The following CRYBG1 variants were observed in gnomAD, a reference collection of about 807,000 sequenced individuals.
CRYBG1 encodes the protein beta/gamma crystallin domain-containing protein 1.
Under a neutral mutation model 189.2 loss-of-function variants are expected in CRYBG1, and 139 were observed. The ratio of observed to expected loss-of-function variants is 0.73; its 90% CI spans 0.64 to 0.85. The LOEUF is 0.85. Among genes scored for constraint, CRYBG1 ranks in the 40% least tolerant of loss-of-function variants. The pLI is 0.00. For missense variants in CRYBG1, 2,611 were observed against 2,675.8 expected (o/e 0.98, Z 0.53); for synonymous variants, 1,023 against 1,017.1 (o/e 1.01, Z -0.11).
intron 8 of CRYBG1, among the ~76,000 whole-genome samples, chr6:106,531,465 A>AT (rs1292595499): frequency 6.6e-6 from 1 of 152,176 alleles, no homozygotes; most frequent in African/African-American, 2.4e-5. Context: ...AGAGAGATGG[A>AT]TTTTGACTTG....
At chr6:106,388,143 G>A (rs568021229) in intron 1 of CRYBG1, among the ~76,000 whole-genome samples, 1 of 152,136 alleles carries the variant, frequency 6.6e-6, no homozygotes. Context: ...CTTGTGCTAC[G>A]AATCCTTTTC....
intron 2 of CRYBG1, among the ~76,000 whole-genome samples, chr6:106,472,914 A>C (rs114700034): frequency 0.012 from 1,753 of 151,694 alleles, 44 homozygotes; most frequent in African/African-American, 0.04. Context: ...AAAATTAAAA[A>C]AAAAAAAAAA....
Position 106,555,871 on chromosome 6 carries a change from T to G in CRYBG1, c.5689T>G (p.Phe1897Val). The G allele has an allele frequency of 6.2e-7, 1 of 1,614,184 alleles. No homozygotes were observed. The highest frequency in any genetic ancestry group is 8.5e-7 in the Non-Finnish European group (1 of 1,180,026). The change falls in exon 17 of 22, where the codon TTC (phenylalanine) becomes GTC (valine). Residue 1897 changes from phenylalanine (F) to valine (V), a missense_variant. By Grantham distance (50) the Phe-to-Val change is conservative. Around this residue, in one of 3 missense-constraint regions of CRYBG1, gnomAD observed 1,622 missense variants for 1,735.0 expected, o/e 0.93. Coordinates refer to ENST00000633556, the MANE Select transcript of CRYBG1 (RefSeq NM_001371242.2). ...AATGGGATGCCCGCCTGGAGCAACT[T>G]TCAAGTCTCTTCGTTTTATAGATGT... is the stretch of plus-strand genomic sequence containing the variant. ...SAMGCPPGAT[F>V]KSLRFIDVEF...
At chr6:106,502,384 C>T (rs1773029843) in intron 2 of CRYBG1, among the ~76,000 whole-genome samples, 1 of 152,182 alleles carries the variant, frequency 6.6e-6, no homozygotes, top group African/African-American at 2.4e-5. Context: ...GAACACATTT[C>T]CATTTTCCAG....
intron 2 of CRYBG1, among the ~76,000 whole-genome samples, chr6:106,469,716 TG>T (rs1191735505): frequency 1.2e-4 from 19 of 152,214 alleles, no homozygotes; most frequent in African/African-American, 4.1e-4. Context: ...AAACCTGTTT[TG>T]TTCCCTTGTG....
chr6:106,483,114 C>G (rs1772505671), intron 2 of CRYBG1, among the ~76,000 whole-genome samples: 1 of 152,000 alleles, frequency 6.6e-6, no homozygotes, highest in Non-Finnish European at 1.5e-5. Context: ...CACTTTGTAC[C>G]TGTTGACCAG....
chr6:106,566,419 G>C (rs1045079559), intron 21 of CRYBG1, among the ~76,000 whole-genome samples: 1 of 144,160 alleles, frequency 6.9e-6, no homozygotes, highest in African/African-American at 2.6e-5. Flanking sequence ...ATAATGTCCC[G>C]TATATTTGTG....
At chr6:106,451,184 C>T (rs563312040) in intron 1 of CRYBG1, among the ~76,000 whole-genome samples, 1 of 152,292 alleles carries the variant, frequency 6.6e-6, no homozygotes, top group Admixed American at 6.5e-5. Context: ...TTCTTTCTGC[C>T]TTTATTAGTT....
chr6:106,543,747 C>T, intron 11 of CRYBG1, 150 bp downstream of exon 11: 1 of 951,532 alleles, frequency 1.1e-6, no homozygotes, highest in East Asian at 2.6e-5. Flanking sequence ...CCTATAGTGA[C>T]TGGATTTAAG....
chr6:106,525,361 A>T lies in CRYBG1; in HGVS notation c.4387A>T (p.Ile1463Leu), dbSNP rs199796741. Residue 1463 changes from isoleucine to leucine, a missense_variant, in exon 6 of 22, where the codon ATA (isoleucine) becomes TTA (leucine). By Grantham distance (5) the Ile-to-Leu change is conservative. Coordinates refer to ENST00000633556, the MANE Select transcript of CRYBG1 (RefSeq NM_001371242.2). ...DCSSWSLSPV[I>L]LIKVVRGCWI... ...CAGTTCTTGGAGCCTCTCTCCAGTG[A>T]TACTCATAAAAGTTGTTAGAGGATG... 7.8e-5 allele frequency: 126 copies of T among 1,613,994 alleles called. No individual in the cohort carries two copies. Among genetic ancestry groups the T allele is most frequent in the Non-Finnish European group, 3.6e-5 (42 of 1,179,964 alleles).
chr6:106,364,593 C>T (rs1180573585), intron 1 of CRYBG1, among the ~76,000 whole-genome samples: 2 of 152,178 alleles, frequency 1.3e-5, no homozygotes, highest in East Asian at 1.9e-4. Flanking sequence ...CCTGAGTCAG[C>T]CCCATCCCCT....
At chr6:106,363,161 G>T (rs1267853627) in intron 1 of CRYBG1, among the ~76,000 whole-genome samples, 1 of 147,522 alleles carries the variant, frequency 6.8e-6, no homozygotes, top group Admixed American at 6.9e-5. Context: ...GGAGAATGGC[G>T]TGAACCCGGG....
chr6:106,377,900 A>AGAG (rs1298404572), intron 1 of CRYBG1, among the ~76,000 whole-genome samples: 1 of 152,160 alleles, frequency 6.6e-6, no homozygotes, highest in Non-Finnish European at 1.5e-5. Context: ...TATAGAAATG[A>AGAG]GAGGACTTGG....
chr6:106,375,395 A>T (rs558546089), intron 1 of CRYBG1, among the ~76,000 whole-genome samples: 35 of 128,524 alleles, frequency 2.7e-4, no homozygotes, highest in African/African-American at 1.3e-3. Context: ...TTAAGTAAGT[A>T]AGTAAGTAAG....
Position 106,512,881 on chromosome 6 carries a change from G to A in CRYBG1, c.1764G>A (p.Arg588=), listed in dbSNP as rs751663383. Residue 588 remains arginine (R), a synonymous_variant, in exon 3 of 22, where the codon AGG becomes AGA. Coordinates refer to ENST00000633556, the MANE Select transcript of CRYBG1 (RefSeq NM_001371242.2). ...LLPEIKPEHK[R]GPLPNHFNGR... ...CGGAGATCAAGCCCGAGCACAAGAG[G>A]GGCCCGCTCCCCAACCACTTCAACG... The A allele has an allele frequency of 2.6e-5, 42 of 1,596,908 alleles. No individual in the cohort carries two copies. In the African/African-American group the frequency reaches 5.4e-4, roughly 20 times the overall value.
intron 1 of CRYBG1, among the ~76,000 whole-genome samples, chr6:106,399,647 A>G (rs1157846036): frequency 7.2e-6 from 1 of 139,272 alleles, no homozygotes; most frequent in African/African-American, 2.7e-5. Flanking sequence ...CCTTTTTTTT[A>G]GTTTTTCTTT....
At position 106,552,542 on chromosome 6, in the gene CRYBG1, G is replaced by T. The variant is rs138982400; in HGVS notation, c.5472+326G>T. The stretch of plus-strand genomic sequence containing the variant: ...GCAGATGTTGGAGTGAGCCGAGATC[G>T]CACCACTGCACTCCAGCCTGAGTGA... On this transcript the variant is annotated intron_variant, in intron 15 of 21. Transcript: ENST00000633556. Among the ~76,000 whole-genome samples the T allele has an allele frequency of 5.7e-3, 677 of 118,656 alleles. 4 individuals carry two copies. The highest frequency in any genetic ancestry group is 0.021 in the African/African-American group (651 of 31,324). The allele number at this position is 118,656 out of a possible 152,430, so 77.8% of individuals were successfully genotyped here. A position where few individuals can be genotyped will look rare whatever the true frequency, so the allele number is the denominator to read the frequency against.
At chr6:106,478,649 C>A (rs1376741523) in intron 2 of CRYBG1, among the ~76,000 whole-genome samples, 1 of 152,208 alleles carries the variant, frequency 6.6e-6, no homozygotes, top group Non-Finnish European at 1.5e-5. Context: ...ACCCCTGGAC[C>A]ATAGACCAAT....
At chr6:106,425,500 C>T (rs971951012) in intron 1 of CRYBG1, among the ~76,000 whole-genome samples, 2 of 152,158 alleles carry the variant, frequency 1.3e-5, no homozygotes, top group African/African-American at 4.8e-5. Context: ...CCTCAGCTCC[C>T]TCACCCCCTA....
Sources: allele counts gnomAD v4.1 joint callset (sites outside exome capture counted in the v4.1 genomes callset), GRCh38; gene constraint gnomAD v4.1.1; regional missense constraint gnomAD v4.1.1; transcripts MANE v1.5; gene names NCBI Gene and HGNC (gene_info 2026-07-23, HGNC 2026-07-21).